UGT2B7: variants seen among roughly 807,000 people sequenced by gnomAD.
UGT2B7 encodes the protein UDP-glucuronosyltransferase 2B7.
Under a neutral mutation model 51.9 loss-of-function variants are expected in UGT2B7, and 51 were observed. The ratio of observed to expected loss-of-function variants is 0.98; its 90% CI spans 0.78 to 1.24. The LOEUF (loss-of-function observed/expected upper bound fraction) is 1.24. UGT2B7 is among the 50% of genes most tolerant of loss of function. The pLI is 0.00. For missense variants in UGT2B7, 727 were observed against 628.4 expected (o/e 1.16, Z -1.68); for synonymous variants, 225 against 211.6 (o/e 1.06, Z -0.55).
intron 1 of UGT2B7, among the ~76,000 whole-genome samples, chr4:69,064,060 G>GAAAGAA (rs1254575454): frequency 1.0e-5 from 1 of 99,992 alleles, no homozygotes; most frequent in Non-Finnish European, 1.9e-5. Context: ...AAGAAAGAAA[G>GAAAGAA]AAAGAAAGAA....
intron 1 of UGT2B7, among the ~76,000 whole-genome samples, chr4:69,088,378 G>A (rs1338552426): frequency 1.3e-5 from 2 of 151,498 alleles, no homozygotes; most frequent in South Asian, 2.1e-4. Flanking sequence ...CATATGTGCT[G>A]TGATTTCTGA....
chr4:69,080,794 CCTTT>C (rs1718820582), intron 1 of UGT2B7, among the ~76,000 whole-genome samples: 1 of 152,002 alleles, frequency 6.6e-6, no homozygotes, highest in African/African-American at 2.4e-5. Context: ...CTAATGGAGC[CCTTT>C]CTTTAATATA....
intron 2 of UGT2B7, among the ~76,000 whole-genome samples, chr4:69,100,481 A>G (rs1176340816): frequency 6.6e-6 from 1 of 152,046 alleles, no homozygotes; most frequent in Non-Finnish European, 1.5e-5. Context: ...ATTTTATTCC[A>G]TTGTTAAAAC....
chr4:69,102,943 G>C lies in UGT2B7; in HGVS notation c.1002+5G>C. Reference sequence around the variant, plus strand: ...CTGGCCCAGATCCCACAAAAGGTAAGATGAAGTGCCTTACTGGTGTGGAAA... The same window carrying C: ...CTGGCCCAGATCCCACAAAAGGTAACATGAAGTGCCTTACTGGTGTGGAAA... On this transcript the variant is annotated splice_donor_5th_base_variant and intron_variant, in intron 3 of 5. Coordinates refer to ENST00000305231, the MANE Select transcript of UGT2B7 (RefSeq NM_001074.4). The C allele has an allele frequency of 1.9e-6, 3 of 1,611,880 alleles. No homozygotes were observed. The highest frequency in any genetic ancestry group is 2.5e-6 in the Non-Finnish European group (3 of 1,179,030).
At chr4:69,091,832 T>C (rs1719092067), upstream of UGT2B7, among the ~76,000 whole-genome samples, 1 of 152,214 alleles carries the variant, frequency 6.6e-6, no homozygotes, top group African/African-American at 2.4e-5. Context: ...CAGGCTTTTC[T>C]CATTGACTAC....
chr4:69,064,769 G>T (rs949850932), intron 1 of UGT2B7, among the ~76,000 whole-genome samples: 2 of 152,042 alleles, frequency 1.3e-5, no homozygotes, highest in African/African-American at 4.8e-5. Context: ...ACACCCCAAG[G>T]TCTCTCTCTG....
rs558513192 is a variant in UGT2B7, at chr4:69,072,959, A to G, written c.-158-16513A>G. Among the ~76,000 whole-genome samples, 266 of 152,288 alleles carry G rather than the reference A, an allele frequency of 1.7e-3. 2 individuals carry two copies. The highest frequency in any genetic ancestry group is 6.2e-3 in the African/African-American group (259 of 41,574). Reference sequence around the variant, plus strand: ...TAGGAGACATGGCTTTCTTTTGAAAATAACATTTTTGAAAGTGGGGGAATG... The same window carrying G: ...TAGGAGACATGGCTTTCTTTTGAAAGTAACATTTTTGAAAGTGGGGGAATG... On this transcript the variant is annotated intron_variant, in intron 1 of 5. Transcript: ENST00000502942.
At chr4:69,078,788 G>T (rs1718772478) in intron 1 of UGT2B7, among the ~76,000 whole-genome samples, 1 of 152,108 alleles carries the variant, frequency 6.6e-6, no homozygotes, top group African/African-American at 2.4e-5. Context: ...GATCCATCTG[G>T]CTATGGAAGG....
chr4:69,087,318 C>T (rs1331663771), intron 1 of UGT2B7, among the ~76,000 whole-genome samples: 1 of 151,910 alleles, frequency 6.6e-6, no homozygotes, highest in African/African-American at 2.4e-5. Context: ...ATAAACAGAA[C>T]TCTGTATTTT....
At position 69,108,201 on chromosome 4, in the gene UGT2B7, G is replaced by A; in HGVS notation, c.1189G>A (p.Ala397Thr). ...GIPMVGIPLF[A>T]DQPDNIAHMK... Reference sequence around the variant, plus strand: ...CCCTATGGTGGGGATTCCATTGTTTGCCGATCAACCTGATAACATTGCTCA... The same window carrying A: ...CCCTATGGTGGGGATTCCATTGTTTACCGATCAACCTGATAACATTGCTCA... Residue 397 changes from alanine to threonine, a missense_variant, in exon 5 of 6, where the codon GCC (alanine) becomes ACC (threonine). Coordinates refer to ENST00000305231, the MANE Select transcript of UGT2B7 (RefSeq NM_001074.4). The A allele has an allele frequency of 6.2e-7, 1 of 1,613,766 alleles. No homozygotes were observed. The highest frequency in any genetic ancestry group is 8.5e-7 in the Non-Finnish European group (1 of 1,179,786).
intron 1 of UGT2B7, among the ~76,000 whole-genome samples, chr4:69,064,532 G>A (rs1021932499): frequency 6.6e-6 from 1 of 152,176 alleles, no homozygotes; most frequent in African/African-American, 2.4e-5. Context: ...AGACATCTAG[G>A]TTGCAAAGCA....
intron 1 of UGT2B7, among the ~76,000 whole-genome samples, chr4:69,082,334 A>G (rs1372531511): frequency 6.6e-6 from 1 of 151,998 alleles, no homozygotes; most frequent in Non-Finnish European, 1.5e-5. Context: ...TGAGGAAGGC[A>G]TGTTAAAAGC....
chr4:69,086,912 C>G (rs559230779), intron 1 of UGT2B7, among the ~76,000 whole-genome samples: 1 of 151,940 alleles, frequency 6.6e-6, no homozygotes, highest in South Asian at 2.1e-4. Flanking sequence ...AATTATTTAT[C>G]CATTCAGTCA....
chr4:69,075,119 T>G lies in UGT2B7; in HGVS notation c.-158-14353T>G, dbSNP rs1718675889. On this transcript the variant is annotated intron_variant, in intron 1 of 5. Coordinates refer to the UGT2B7 transcript ENST00000502942. Reference sequence around the variant, plus strand: ...TTTTATTGTGTTTTTAATGTCCATATGTAATGAATTTCATAGTTGCTTAGA... The same window carrying G: ...TTTTATTGTGTTTTTAATGTCCATAGGTAATGAATTTCATAGTTGCTTAGA... Among the ~76,000 whole-genome samples, 3 of 152,178 alleles carry G rather than the reference T, an allele frequency of 2.0e-5. No individual in the cohort carries two copies. In the South Asian group the frequency reaches 6.2e-4, roughly 32 times the overall value.
chr4:69,088,356 C>T (rs1382249340), intron 1 of UGT2B7, among the ~76,000 whole-genome samples: 1 of 140,480 alleles, frequency 7.1e-6, no homozygotes, highest in East Asian at 2.1e-4. Flanking sequence ...GTGTTTTTTT[C>T]AACTCTCTAT....
chr4:69,097,317 T>G (rs905797522), intron 1 of UGT2B7, 76 bp downstream of exon 1: 4 of 1,521,876 alleles, frequency 2.6e-6, no homozygotes, highest in Non-Finnish European at 8.8e-7. Flanking sequence ...TATAAAGCCA[T>G]AAAGTCAGGG....
chr4:69,097,184 T>A lies in UGT2B7; in HGVS notation c.664T>A (p.Phe222Ile). The A allele has an allele frequency of 3.1e-6, 5 of 1,612,814 alleles. No homozygotes were observed. Among genetic ancestry groups the A allele is most frequent in the Non-Finnish European group, 4.2e-6 (5 of 1,179,394 alleles). ...TATGATCTATGTGCTTTACTTTGAC[T>A]TTTGGTTCGAAATATTTGACATGAA... ...KNMIYVLYFDFWFEIFDMKKW... is the reference protein window; with the variant it reads ...KNMIYVLYFDIWFEIFDMKKW... Residue 222 changes from phenylalanine to isoleucine, a missense_variant, in exon 1 of 6, where the codon TTT becomes ATT. Coordinates refer to ENST00000305231, the MANE Select transcript of UGT2B7 (RefSeq NM_001074.4).
intron 1 of UGT2B7, among the ~76,000 whole-genome samples, chr4:69,086,593 T>G (rs1718965960): frequency 6.6e-6 from 1 of 151,922 alleles, no homozygotes; most frequent in Non-Finnish European, 1.5e-5. Flanking sequence ...CTTCTACTAT[T>G]ATCATATCAC....
chr4:69,094,125 GTTTCTTTTT>G (rs1231415958), upstream of UGT2B7, among the ~76,000 whole-genome samples: 2 of 78,324 alleles, frequency 2.6e-5, no homozygotes, highest in Non-Finnish European at 4.4e-5. Context: ...ATTTGTTTTG[GTTTCTTTTT>G]TTTTTTTTTT....
Sources: gnomAD v4.1 joint callset for allele counts (sites outside exome capture counted in the v4.1 genomes callset) on GRCh38, gnomAD v4.1.1 for gene constraint, MANE v1.5 for transcripts, NCBI Gene and HGNC (gene_info 2026-07-23, HGNC 2026-07-21) for gene names.